ADGRV1: variants seen among roughly 807,000 people sequenced by gnomAD.
ADGRV1 encodes the protein adhesion G protein-coupled receptor V1.
A neutral mutation model predicts 596.2 loss-of-function variants in ADGRV1; 359 were observed. The ratio of observed to expected loss-of-function variants is 0.60; its 90% CI spans 0.55 to 0.66. The LOEUF (loss-of-function observed/expected upper bound fraction) is 0.66. ADGRV1 is among the 30% of genes least tolerant of loss of function. The probability of loss-of-function intolerance (pLI) is 0.00; values close to 1 mark genes in which losing one functional copy is unlikely to be tolerated. For missense variants in ADGRV1, 7,274 were observed against 7,575.6 expected (o/e 0.96, Z 1.48); for synonymous variants, 2,681 against 2,679.2 (o/e 1.00, Z -0.02).
intron 85 of ADGRV1, among the ~76,000 whole-genome samples, chr5:91,003,602 G>A (rs1415396144): frequency 1.3e-5 from 2 of 152,176 alleles, no homozygotes; most frequent in Non-Finnish European, 2.9e-5. Context: ...GATAAACAGG[G>A]AGGGAAATCC....
intron 78 of ADGRV1, among the ~76,000 whole-genome samples, chr5:90,842,526 G>A (rs1032298690): frequency 3.9e-5 from 6 of 151,984 alleles, no homozygotes; most frequent in South Asian, 4.2e-4. Context: ...CAAGACCACC[G>A]TGGCCAACAT....
chr5:90,811,015 C>T lies in ADGRV1; in HGVS notation c.15755C>T (p.Thr5252Ile), dbSNP rs1762394026. 1 of 1,614,010 alleles carries T rather than the reference C, an allele frequency of 6.2e-7. No individual in the cohort carries two copies. Among genetic ancestry groups the T allele is most frequent in the Non-Finnish European group, 8.5e-7 (1 of 1,179,896 alleles). ...CTTATCCGAAGAACTGGTGGGTTTA[C>T]TGGCAATGTCAGCATAACAGTTAAA... ...EVLIRRTGGF[T>I]GNVSITVKTF... The change falls in exon 74 of 90, where the codon ACT (threonine) becomes ATT (isoleucine). Residue 5252 changes from threonine to isoleucine, a missense_variant. This residue lies in a region of ADGRV1 where 1,874 missense variants were observed against 1,970.2 expected (regional missense o/e 0.95). Coordinates refer to ENST00000405460, the MANE Select transcript of ADGRV1 (RefSeq NM_032119.4).
chr5:90,593,540 G>C (rs1429684278), intron 1 of ADGRV1, among the ~76,000 whole-genome samples: 1 of 152,110 alleles, frequency 6.6e-6, no homozygotes, highest in Non-Finnish European at 1.5e-5. Flanking sequence ...CATGGCACAT[G>C]TATACCTATG....
At chr5:90,908,306 T>C (rs1772511473) in intron 83 of ADGRV1, among the ~76,000 whole-genome samples, 1 of 152,228 alleles carries the variant, frequency 6.6e-6, no homozygotes, top group Non-Finnish European at 1.5e-5. Context: ...AGGCATGCAA[T>C]GCATAATAAT....
At chr5:90,682,366 G>T (rs1745058523) in intron 27 of ADGRV1, among the ~76,000 whole-genome samples, 1 of 152,178 alleles carries the variant, frequency 6.6e-6, no homozygotes, top group South Asian at 2.1e-4. Flanking sequence ...TCTCCTGGCT[G>T]TGCCTAATGT....
chr5:90,819,234 T>C (rs1763227682), intron 75 of ADGRV1, among the ~76,000 whole-genome samples: 1 of 151,972 alleles, frequency 6.6e-6, no homozygotes, highest in Admixed American at 6.5e-5. Context: ...TGATGGTAGT[T>C]TGTATTTCTG....
At chr5:90,579,436 C>T (rs1290822578) in intron 1 of ADGRV1, among the ~76,000 whole-genome samples, 5 of 151,958 alleles carry the variant, frequency 3.3e-5, no homozygotes, top group Admixed American at 3.3e-4. Flanking sequence ...TTCTTAATCC[C>T]AAGTTCTAAT....
intron 83 of ADGRV1, among the ~76,000 whole-genome samples, chr5:90,888,564 G>T (rs1770516790): frequency 6.6e-6 from 1 of 152,072 alleles, no homozygotes; most frequent in African/African-American, 2.4e-5. Context: ...AGGAAAAAAT[G>T]ACTAATGGGC....
Position 90,828,952 on chromosome 5 carries a change from G to T in ADGRV1, c.16377G>T (p.Gln5459His), listed in dbSNP as rs371947306. 4.0e-4 allele frequency: 637 copies of T among 1,578,762 alleles called. 7 individuals carry two copies. The South Asian group carries it at 7.3e-3, about 18-fold the overall frequency. The change falls in exon 77 of 90, where the codon CAG becomes CAT. Residue 5459 changes from glutamine (Q) to histidine (H), a missense_variant. By Grantham distance (24) the Gln-to-His change is conservative. Coordinates refer to ENST00000405460, the MANE Select transcript of ADGRV1 (RefSeq NM_032119.4). ...CTTTTTCTCATTGTCAGGTACCACA[G>T]GTTGAAGTGTATTTTTTTGTGGAAC... Reference protein sequence around the residue: ...SIELKPEKVPQVEVYFFVELY... With the variant: ...SIELKPEKVPHVEVYFFVELY...
At chr5:91,055,269 T>C (rs889512418) in intron 85 of ADGRV1, among the ~76,000 whole-genome samples, 1 of 151,820 alleles carries the variant, frequency 6.6e-6, no homozygotes, top group Admixed American at 6.6e-5. Flanking sequence ...TATATATATA[T>C]TAACCAAACA....
intron 83 of ADGRV1, among the ~76,000 whole-genome samples, chr5:90,896,974 G>A (rs976839396): frequency 6.6e-6 from 1 of 152,306 alleles, no homozygotes; most frequent in Non-Finnish European, 1.5e-5. Flanking sequence ...GTCCCACAAA[G>A]CAATGACCTG....
intron 21 of ADGRV1, among the ~76,000 whole-genome samples, chr5:90,668,822 G>T (rs1772000758): frequency 6.6e-6 from 1 of 152,068 alleles, no homozygotes; most frequent in South Asian, 2.1e-4. Context: ...GGAAGCTATA[G>T]GTTTTGATGA....
At chr5:90,974,783 A>G (rs6888672) in intron 84 of ADGRV1, among the ~76,000 whole-genome samples, 37,147 of 152,036 alleles carry the variant, frequency 0.24, 4,985 homozygotes, top group Non-Finnish European at 0.31. Context: ...TCAGGACATA[A>G]GTATGGGCAA....
At chr5:90,712,158 G>A in intron 41 of ADGRV1, 129 bp from the exon 42 acceptor site, 1 of 547,312 alleles carries the variant, frequency 1.8e-6, no homozygotes, top group Non-Finnish European at 3.0e-6. Context: ...AAAATATAAG[G>A]AGACAAAATT....
chr5:90,923,223 A>C (rs1774057875), intron 83 of ADGRV1, among the ~76,000 whole-genome samples: 1 of 152,178 alleles, frequency 6.6e-6, no homozygotes, highest in African/African-American at 2.4e-5. Context: ...TATGCTGCTA[A>C]AGGAACCATT....
rs2149965193 is a variant in ADGRV1, at chr5:90,753,699, C to T, written c.11247C>T (p.Asp3749=). 1.9e-6 allele frequency: 3 copies of T among 1,613,642 alleles called. No homozygotes were observed. The highest frequency in any genetic ancestry group is 1.7e-6 in the Non-Finnish European group (2 of 1,179,716). Residue 3749 remains aspartate, a synonymous_variant, in exon 54 of 90, where the codon GAC becomes GAT. Transcript: ENST00000405460. ...GTATCACCACAGAAGGGGTTGAGGA[C>T]TCATACAAAGGTGCTACTATTGATC... is the stretch of plus-strand genomic sequence containing the variant. ...LTRITTEGVE[D]SYKGATIDQD... is the part of the protein sequence containing the mutation.
At chr5:90,617,298 GA>G (rs1299465908) in intron 2 of ADGRV1, 11 of 151,196 alleles carry the variant, frequency 7.3e-5, no homozygotes, top group African/African-American at 2.7e-4. Flanking sequence ...ATTTTGTTTA[GA>G]ATCATTTCTT....
intron 1 of ADGRV1, among the ~76,000 whole-genome samples, chr5:90,577,635 T>C (rs1195165284): frequency 6.6e-6 from 1 of 152,196 alleles, no homozygotes; most frequent in East Asian, 1.9e-4. Context: ...TTAAAGTAGT[T>C]TTTTCCAATT....
In ADGRV1 at chr5:90,645,203, C is replaced by T. The variant is rs117403047; in HGVS notation, c.2898+334C>T. Among the ~76,000 whole-genome samples the T allele has an allele frequency of 8.5e-5, 13 of 152,272 alleles. No homozygotes were observed. In the East Asian group the frequency reaches 1.4e-3, roughly 16 times the overall value. ...GTGTCCTGTGGTGCAGTCTCAGCAC[C>T]GGGACACGGGGTCGCATGAGTCATG... On this transcript the variant is annotated intron_variant, in intron 15 of 89. Coordinates refer to ENST00000405460, the MANE Select transcript of ADGRV1 (RefSeq NM_032119.4).
Sources: gnomAD v4.1 joint callset for allele counts (sites outside exome capture counted in the v4.1 genomes callset) on GRCh38, gnomAD v4.1.1 for gene constraint, gnomAD v4.1.1 regional missense constraint, MANE v1.5 for transcripts, NCBI Gene and HGNC (gene_info 2026-07-23, HGNC 2026-07-21) for gene names.